Variants in PCCA observed in about 807,000 individuals in gnomAD.
PCCA encodes propionyl-CoA carboxylase alpha chain, mitochondrial.
PCCA carries 74 observed loss-of-function variants against 101.3 expected under a neutral mutation model. The ratio of observed to expected loss-of-function variants is 0.73; its 90% confidence interval spans 0.61 to 0.89. The LOEUF (loss-of-function observed/expected upper bound fraction) is 0.89. Among genes scored for constraint, PCCA ranks in the 40% least tolerant of loss-of-function variants. The pLI, the probability that PCCA is intolerant of heterozygous loss-of-function variation, is 0.00. For synonymous variants in PCCA, 294 were observed against 313.6 expected, an observed-to-expected ratio of 0.94 and a Z score of 0.66; for missense variants, 891 against 907.0, an observed-to-expected ratio of 0.98 and a Z score of 0.23.
intron 19 of PCCA, among the ~76,000 whole-genome samples, chr13:100,415,397 C>A (rs1256809743): frequency 2.0e-5 from 3 of 152,118 alleles, no homozygotes; most frequent in East Asian, 3.9e-4. Flanking sequence ...CAGAGTGAGA[C>A]CCTGTCTCCA....
rs538046619 is a variant in PCCA at position 100,287,771 on chromosome 13, G to A, written c.1066-13689G>A. On this transcript the variant is annotated intron_variant, in intron 12 of 23. Transcript: ENST00000376285. ...TGTCAGCATCTTACCATAGCTTCAT[G>A]ATTAGTGAGTTCTTTATTTTGATTT... is the stretch of plus-strand genomic sequence containing the variant. Among the ~76,000 whole-genome samples, 52 of 151,838 alleles carry A rather than the reference G, an allele frequency of 3.4e-4. 1 individual carries two copies. In the South Asian group the frequency reaches 7.3e-3, roughly 21 times the overall value.
At chr13:100,150,634 T>G in intron 4 of PCCA, 16 of 1,265,778 alleles carry the variant, frequency 1.3e-5, no homozygotes, top group Non-Finnish European at 1.8e-5. Flanking sequence ...TGCTGTGGAC[T>G]GATTTGGTGA....
intron 20 of PCCA, among the ~76,000 whole-genome samples, chr13:100,426,209 A>G (rs1380127327): frequency 6.6e-6 from 1 of 152,210 alleles, no homozygotes. Flanking sequence ...CCTCAATATA[A>G]AATGTCCTGC....
rs837337 is a variant in PCCA, at chr13:100,487,835, C to T, written c.1900-27592C>T. On this transcript the variant is annotated intron_variant, in intron 21 of 23. Transcript: ENST00000376285. The stretch of plus-strand genomic sequence containing the variant: ...AAAACTCCTGGGCTCAAGCGATCCT[C>T]CTATCTCAGTTCACTAAGCAGCTGG... Among the ~76,000 whole-genome samples the T allele has an allele frequency of 8.9e-3, 1,350 of 151,994 alleles. 19 individuals carry two copies. The highest frequency in any genetic ancestry group is 0.031 in the African/African-American group (1,279 of 41,440).
chr13:100,208,043 C>G (rs779997928), intron 6 of PCCA, among the ~76,000 whole-genome samples: 30 of 152,094 alleles, frequency 2.0e-4, no homozygotes, highest in Non-Finnish European at 4.1e-4. Context: ...GTGTTTCAGC[C>G]TGGACTTGTC....
intron 19 of PCCA, among the ~76,000 whole-genome samples, chr13:100,422,395 C>T (rs557070865): frequency 2.0e-5 from 3 of 152,204 alleles, no homozygotes; most frequent in Non-Finnish European, 4.4e-5. Flanking sequence ...GCCTGGGCCT[C>T]CCAAAGTGCT....
chr13:100,141,295 C>A (rs1057420129), intron 4 of PCCA, among the ~76,000 whole-genome samples: 1 of 152,200 alleles, frequency 6.6e-6, no homozygotes, highest in Non-Finnish European at 1.5e-5. Flanking sequence ...TGTACTCTTT[C>A]TCTGTTAGTT....
intron 6 of PCCA, among the ~76,000 whole-genome samples, chr13:100,165,867 G>A (rs2054986974): frequency 6.6e-6 from 1 of 151,958 alleles, no homozygotes; most frequent in Non-Finnish European, 1.5e-5. Flanking sequence ...CTGGGTGACA[G>A]AGCAAGACCC....
At position 100,394,396 on chromosome 13, in the gene PCCA, A is replaced by C. The variant is rs1258621837; in HGVS notation, c.1746+25822A>C. On this transcript the variant is annotated intron_variant, in intron 19 of 23. Coordinates refer to ENST00000376285, the MANE Select transcript of PCCA (RefSeq NM_000282.4). This position sits in a 1 kb window ranked among gnomAD's most constrained non-coding sequence, Gnocchi z 4.3. ...CTTTCTTCAGCGAGGTTCCTTTTGCATCAGCGCTGGTTCTTGGTGGCAGTC... is the reference window on the plus strand; with the variant it reads ...CTTTCTTCAGCGAGGTTCCTTTTGCCTCAGCGCTGGTTCTTGGTGGCAGTC... 6.6e-6 allele frequency among the ~76,000 whole-genome samples: 1 copy of C among 151,806 alleles called. No individual in the cohort carries two copies. The highest frequency in any genetic ancestry group is 2.4e-5 in the African/African-American group (1 of 41,340).
At chr13:100,261,550 C>T (rs1027879600) in intron 9 of PCCA, among the ~76,000 whole-genome samples, 1 of 151,784 alleles carries the variant, frequency 6.6e-6, no homozygotes, top group African/African-American at 2.4e-5. Context: ...ATTTTTAGTA[C>T]TGATGGGATT....
chr13:100,507,165 T>C (rs1236278748), intron 21 of PCCA, among the ~76,000 whole-genome samples: 1 of 152,222 alleles, frequency 6.6e-6, no homozygotes, highest in African/African-American at 2.4e-5. Flanking sequence ...CAGAGACTCC[T>C]GATCAAACAG....
At chr13:100,484,139 G>A (rs2084173997) in intron 21 of PCCA, among the ~76,000 whole-genome samples, 2 of 151,966 alleles carry the variant, frequency 1.3e-5, no homozygotes, top group African/African-American at 4.8e-5. Context: ...AAGAAAACTG[G>A]CCGCTTTCCT....
intron 6 of PCCA, among the ~76,000 whole-genome samples, chr13:100,175,382 C>T (rs2056143001): frequency 6.6e-6 from 1 of 152,184 alleles, no homozygotes; most frequent in Admixed American, 6.5e-5. Context: ...TAATGTTTTG[C>T]ACACTATTTT....
At chr13:100,224,549 C>G (rs137961625) in intron 7 of PCCA, among the ~76,000 whole-genome samples, 1 of 152,360 alleles carries the variant, frequency 6.6e-6, no homozygotes, top group East Asian at 1.9e-4. Flanking sequence ...AAAGTGGGAG[C>G]GCCAAGAGCG....
chr13:100,089,279 C>T (rs2152190639), intron 1 of PCCA, 54 bp downstream of exon 1: 1 of 1,403,666 alleles, frequency 7.1e-7, no homozygotes, highest in Non-Finnish European at 9.3e-7. Flanking sequence ...TCTAGCCGTG[C>T]CGCCTCTGGG....
intron 19 of PCCA, among the ~76,000 whole-genome samples, chr13:100,406,047 G>A (rs1402024848): frequency 2.6e-5 from 4 of 152,072 alleles, no homozygotes; most frequent in African/African-American, 7.2e-5. Flanking sequence ...TTACAGGCAT[G>A]AGCCACTGCG....
intron 19 of PCCA, among the ~76,000 whole-genome samples, chr13:100,379,766 C>T (rs2076122904): frequency 6.6e-6 from 1 of 152,152 alleles, no homozygotes; most frequent in African/African-American, 2.4e-5. Flanking sequence ...TTCACTATCA[C>T]AGGAACCACA....
chr13:100,212,135 A>G (rs1163354962), intron 7 of PCCA, among the ~76,000 whole-genome samples: 1 of 152,226 alleles, frequency 6.6e-6, no homozygotes, highest in Non-Finnish European at 1.5e-5. Context: ...TCACTACTTG[A>G]TGCCTCTGAG....
chr13:100,476,255 T>G (rs1467986180), intron 21 of PCCA, among the ~76,000 whole-genome samples: 1 of 152,240 alleles, frequency 6.6e-6, no homozygotes, highest in Non-Finnish European at 1.5e-5. Context: ...ACTAATATTT[T>G]TTATACATTA....
Sources: gnomAD v4.1 joint callset for allele counts (sites outside exome capture counted in the v4.1 genomes callset) on GRCh38, gnomAD v4.1.1 for gene constraint, Gnocchi (gnomAD v3.1) non-coding constraint, MANE v1.5 for transcripts, NCBI Gene and HGNC (gene_info 2026-07-23, HGNC 2026-07-21) for gene names.